The following CHRM3 variants were observed in gnomAD, a reference collection of about 807,000 sequenced individuals.
CHRM3 encodes muscarinic acetylcholine receptor M3.
CHRM3 carries 11 observed loss-of-function variants against 41.8 expected under a neutral mutation model. That is an observed-to-expected ratio of 0.26 (90% CI 0.17 to 0.44). The LOEUF is 0.44. Ranked by LOEUF, CHRM3 falls within the 20% of genes least tolerant of loss-of-function variation. The pLI is 1.00. For missense variants in CHRM3, 571 were observed against 745.4 expected, an observed-to-expected ratio of 0.77 and a Z score of 2.72; for synonymous variants, 297 against 301.4, an observed-to-expected ratio of 0.99 and a Z score of 0.15.
At chr1:239,656,331 T>A (rs200829576) in intron 4 of CHRM3, among the ~76,000 whole-genome samples, 1,547 of 151,034 alleles carry the variant, frequency 0.01, 10 homozygotes, top group African/African-American at 0.026. Context: ...TATTTTTTTT[T>A]AAAAAAAGGG....
chr1:239,610,862 G>A lies in CHRM3; in HGVS notation c.-312-21362G>A, dbSNP rs1666938915. Among the ~76,000 whole-genome samples the A allele has an allele frequency of 2.6e-5, 4 of 152,272 alleles. No individual in the cohort carries two copies. The South Asian group carries it at 6.2e-4, about 24-fold the overall frequency. On this transcript the variant is annotated intron_variant, in intron 3 of 6. Coordinates refer to ENST00000676153, the MANE Select transcript of CHRM3 (RefSeq NM_001375978.1). Reference sequence around the variant, plus strand: ...AGGTCAAGAGATTGAGGCCATCCTGGCCAACATGGTGAAACCCCGTCTCTA... The same window carrying A: ...AGGTCAAGAGATTGAGGCCATCCTGACCAACATGGTGAAACCCCGTCTCTA...
intron 4 of CHRM3, among the ~76,000 whole-genome samples, chr1:239,663,026 T>C (rs1401573747): frequency 1.3e-5 from 2 of 149,202 alleles, no homozygotes; most frequent in Non-Finnish European, 3.0e-5. Flanking sequence ...TCTTCTTCTT[T>C]TCTTCTTCTT....
In CHRM3 at chr1:239,467,905, C is replaced by A. The variant is rs6661320; in HGVS notation, c.-520-24804C>A. Reference sequence around the variant, plus strand: ...TTCTCCACCAATTTTCCCTACCCCCCCCCAACGTTATTCCAAGAGGAAAAG... The same window carrying A: ...TTCTCCACCAATTTTCCCTACCCCCACCCAACGTTATTCCAAGAGGAAAAG... On this transcript the variant is annotated intron_variant, in intron 1 of 6. Coordinates refer to ENST00000676153, the MANE Select transcript of CHRM3 (RefSeq NM_001375978.1). Among the ~76,000 whole-genome samples the A allele has an allele frequency of 7.2e-4, 110 of 151,740 alleles. 1 individual carries two copies. The highest frequency in any genetic ancestry group is 3.4e-3 in the Middle Eastern group (1 of 294).
intron 5 of CHRM3, among the ~76,000 whole-genome samples, chr1:239,772,793 C>T (rs180899533): frequency 3.0e-4 from 46 of 152,306 alleles, no homozygotes; most frequent in Middle Eastern, 3.4e-3. Context: ...CAAGCTCTTA[C>T]CCATACCTCA....
intron 5 of CHRM3, among the ~76,000 whole-genome samples, chr1:239,763,935 A>C (rs73125233): frequency 0.015 from 2,226 of 151,874 alleles, 65 homozygotes; most frequent in African/African-American, 0.051. Flanking sequence ...CATCTCTTAA[A>C]AAAAAATTAG....
chr1:239,781,795 T>G (rs2148805821), intron 5 of CHRM3, among the ~76,000 whole-genome samples: 1 of 152,272 alleles, frequency 6.6e-6, no homozygotes, highest in South Asian at 2.1e-4. Flanking sequence ...TTTCCCTCTC[T>G]TCTTTGTTTA....
intron 5 of CHRM3, among the ~76,000 whole-genome samples, chr1:239,803,116 A>G (rs1327726700): frequency 6.6e-6 from 1 of 152,268 alleles, no homozygotes; most frequent in East Asian, 1.9e-4. Flanking sequence ...AAATACTCTC[A>G]AACCCTTTTT....
At chr1:239,583,204 G>A (rs1028607891) in intron 3 of CHRM3, among the ~76,000 whole-genome samples, 1 of 152,140 alleles carries the variant, frequency 6.6e-6, no homozygotes, top group Non-Finnish European at 1.5e-5. Flanking sequence ...TGAACCATAC[G>A]GGAAGGCAGT....
Position 239,448,267 on chromosome 1 carries a change from C to T in CHRM3, c.-520-44442C>T, listed in dbSNP as rs139476054. Among the ~76,000 whole-genome samples the T allele has an allele frequency of 6.6e-3, 1,010 of 152,284 alleles. 14 individuals carry two copies. The highest frequency in any genetic ancestry group is 0.023 in the African/African-American group (940 of 41,552). On this transcript the variant is annotated intron_variant, in intron 1 of 6. Coordinates refer to ENST00000676153, the MANE Select transcript of CHRM3 (RefSeq NM_001375978.1). ...AATGTTTCTTTTCTAAATCTTCCTC[C>T]ATCAGGATATCCACTGTAGGTTCTG...
At chr1:239,721,207 C>T (rs991597764) in intron 5 of CHRM3, among the ~76,000 whole-genome samples, 1 of 151,842 alleles carries the variant, frequency 6.6e-6, no homozygotes, top group African/African-American at 2.4e-5. Context: ...TACAGAGTCT[C>T]TCTCTAATTC....
chr1:239,569,885 A>G (rs1229516965), intron 3 of CHRM3, among the ~76,000 whole-genome samples: 1 of 152,210 alleles, frequency 6.6e-6, no homozygotes, highest in African/African-American at 2.4e-5. Flanking sequence ...TGATGTCTGT[A>G]GATATATATG....
At chr1:239,609,771 C>G (rs1666777142) in intron 3 of CHRM3, among the ~76,000 whole-genome samples, 1 of 152,096 alleles carries the variant, frequency 6.6e-6, no homozygotes, top group Admixed American at 6.6e-5. Flanking sequence ...ACTTAGTTAG[C>G]ATCTGTATAT....
chr1:239,691,271 G>C (rs956946481), intron 5 of CHRM3, among the ~76,000 whole-genome samples: 4 of 152,082 alleles, frequency 2.6e-5, no homozygotes, highest in African/African-American at 9.7e-5. Flanking sequence ...CATATAAAAA[G>C]AGATACTGGT....
chr1:239,446,717 A>G (rs965168809), intron 1 of CHRM3, among the ~76,000 whole-genome samples: 1 of 152,232 alleles, frequency 6.6e-6, no homozygotes, highest in Non-Finnish European at 1.5e-5. Flanking sequence ...GAGGGCCTGT[A>G]CTACTGAAAT....
chr1:239,725,127 TAGA>T (rs1185048501), intron 5 of CHRM3, among the ~76,000 whole-genome samples: 3 of 151,936 alleles, frequency 2.0e-5, no homozygotes, highest in Admixed American at 2.0e-4. Context: ...ATTTTAGACT[TAGA>T]AAAGTATTTA....
chr1:239,424,072 G>GA (rs897522413), intron 1 of CHRM3, among the ~76,000 whole-genome samples: 13 of 135,098 alleles, frequency 9.6e-5, no homozygotes, highest in East Asian at 2.2e-4. Flanking sequence ...AAAAAAAAAA[G>GA]AAAAAAAAAA....
intron 3 of CHRM3, among the ~76,000 whole-genome samples, chr1:239,574,413 G>A (rs1201483818): frequency 6.6e-6 from 1 of 151,760 alleles, no homozygotes; most frequent in East Asian, 1.9e-4. Context: ...TTCCACCCTG[G>A]GGCCCTTTGT....
chr1:239,596,163 G>A (rs1433882897), intron 3 of CHRM3, among the ~76,000 whole-genome samples: 1 of 152,144 alleles, frequency 6.6e-6, no homozygotes, highest in East Asian at 1.9e-4. Flanking sequence ...CTCTAAGGCT[G>A]CCTGCTTTTT....
chr1:239,771,377 C>T (rs1375976258), intron 5 of CHRM3, among the ~76,000 whole-genome samples: 1 of 152,038 alleles, frequency 6.6e-6, no homozygotes, highest in Admixed American at 6.6e-5. Flanking sequence ...ACTCCTTGCT[C>T]CAGACTCCTC....
Sources: gnomAD v4.1 joint callset for allele counts (sites outside exome capture counted in the v4.1 genomes callset) on GRCh38, gnomAD v4.1.1 for gene constraint, MANE v1.5 for transcripts, NCBI Gene and HGNC (gene_info 2026-07-23, HGNC 2026-07-21) for gene names.